Variants in FBXL7 observed in about 807,000 individuals in gnomAD.
FBXL7 encodes F-box/LRR-repeat protein 7.
A neutral mutation model predicts 38.3 loss-of-function variants in FBXL7; 12 were observed. The ratio of observed to expected loss-of-function variants is 0.31; its 90% confidence interval spans 0.20 to 0.51. The LOEUF is 0.51. FBXL7 is among the 20% of genes least tolerant of loss of function. FBXL7 has a pLI of 0.98. For synonymous variants in FBXL7, 297 were observed against 300.9 expected, an observed-to-expected ratio of 0.99 and a Z score of 0.13; for missense variants, 567 against 676.4, an observed-to-expected ratio of 0.84 and a Z score of 1.79.
intron 2 of FBXL7, among the ~76,000 whole-genome samples, chr5:15,617,777 A>G (rs1740503528): frequency 6.6e-6 from 1 of 152,166 alleles, no homozygotes; most frequent in Non-Finnish European, 1.5e-5. Context: ...TAGGAGCCAT[A>G]GTGGAAATCA....
chr5:15,702,464 G>A (rs562944614), intron 2 of FBXL7, among the ~76,000 whole-genome samples: 1 of 152,264 alleles, frequency 6.6e-6, no homozygotes, highest in African/African-American at 2.4e-5. Flanking sequence ...AACTACAGGA[G>A]CCACGCGGTA....
At chr5:15,729,910 G>C (rs946283177) in intron 2 of FBXL7, among the ~76,000 whole-genome samples, 1 of 152,106 alleles carries the variant, frequency 6.6e-6, no homozygotes, top group South Asian at 2.1e-4. Flanking sequence ...ATCGGGTAAC[G>C]CTCCTAGTTA....
At chr5:15,762,170 T>A (rs1338894377) in intron 2 of FBXL7, among the ~76,000 whole-genome samples, 1 of 152,198 alleles carries the variant, frequency 6.6e-6, no homozygotes, top group East Asian at 1.9e-4. Flanking sequence ...TCACAGGTTG[T>A]GAGGATGAAA....
At chr5:15,772,937 C>T (rs1179168420) in intron 2 of FBXL7, among the ~76,000 whole-genome samples, 1 of 151,982 alleles carries the variant, frequency 6.6e-6, no homozygotes, top group Non-Finnish European at 1.5e-5. Context: ...CTGTGTCACC[C>T]AGACTGGAGT....
intron 2 of FBXL7, among the ~76,000 whole-genome samples, chr5:15,830,395 A>AATCACTGG (rs997512614): frequency 1.3e-5 from 2 of 151,856 alleles, no homozygotes; most frequent in Admixed American, 6.6e-5. Flanking sequence ...AAGGCTGGAG[A>AATCACTGG]ATCACTGGAA....
chr5:15,827,393 G>A (rs1436070304), intron 2 of FBXL7, among the ~76,000 whole-genome samples: 1 of 152,148 alleles, frequency 6.6e-6, no homozygotes, highest in East Asian at 1.9e-4. Context: ...AATAGCGTAT[G>A]TCAAACAAAT....
At chr5:15,733,132 C>T (rs369664639) in intron 2 of FBXL7, among the ~76,000 whole-genome samples, 2 of 145,964 alleles carry the variant, frequency 1.4e-5, no homozygotes, top group Non-Finnish European at 3.0e-5. Flanking sequence ...GTCTCACTGT[C>T]GCCCAGGCTG....
chr5:15,718,154 T>C (rs1744095485), intron 2 of FBXL7, among the ~76,000 whole-genome samples: 2 of 152,160 alleles, frequency 1.3e-5, no homozygotes, highest in Non-Finnish European at 2.9e-5. Flanking sequence ...ATGTACTTAC[T>C]TGCGCACACA....
intron 1 of FBXL7, among the ~76,000 whole-genome samples, chr5:15,512,840 T>C (rs947341962): frequency 6.6e-6 from 1 of 152,238 alleles, no homozygotes; most frequent in Non-Finnish European, 1.5e-5. Flanking sequence ...GTATTTGTTT[T>C]ATCTGACTTG....
chr5:15,679,642 G>A (rs567573606), intron 2 of FBXL7, among the ~76,000 whole-genome samples: 1 of 149,886 alleles, frequency 6.7e-6, no homozygotes, highest in Non-Finnish European at 1.5e-5. Context: ...TAAAGTTGTG[G>A]AAAATTACAT....
At position 15,928,761 on chromosome 5, in the gene FBXL7, G is replaced by A. The variant is rs1467591685; in HGVS notation, c.739+260G>A. Among the ~76,000 whole-genome samples the A allele has an allele frequency of 5.9e-5, 9 of 151,956 alleles. No homozygotes were observed. Among genetic ancestry groups the A allele is most frequent in the South Asian group, 2.1e-4 (1 of 4,818 alleles). ...AAGTTTTAGGGTACATGTGCACAAC[G>A]TGCAGGTTAGTTACATATGTATACA... On this transcript the variant is annotated intron_variant, in intron 3 of 3. Transcript: ENST00000504595. This position sits in a 1 kb window ranked among gnomAD's most constrained non-coding sequence, Gnocchi z 4.0.
At chr5:15,799,760 A>G (rs1321306153) in intron 2 of FBXL7, among the ~76,000 whole-genome samples, 1 of 152,138 alleles carries the variant, frequency 6.6e-6, no homozygotes, top group Non-Finnish European at 1.5e-5. Context: ...AGAGCACTAC[A>G]CGGATTAGCA....
At chr5:15,727,625 C>T (rs79382972) in intron 2 of FBXL7, among the ~76,000 whole-genome samples, 2,762 of 152,220 alleles carry the variant, frequency 0.018, 34 homozygotes, top group Non-Finnish European at 0.028. Flanking sequence ...GATTTCTTCT[C>T]TCTTGCTACT....
intron 1 of FBXL7, among the ~76,000 whole-genome samples, chr5:15,513,294 A>G (rs750512058): frequency 6.6e-6 from 1 of 152,158 alleles, no homozygotes; most frequent in Non-Finnish European, 1.5e-5. Flanking sequence ...GAAATACAGT[A>G]TCTTTCTACA....
At chr5:15,831,964 C>T (rs1044498821) in intron 2 of FBXL7, among the ~76,000 whole-genome samples, 2 of 152,084 alleles carry the variant, frequency 1.3e-5, no homozygotes, top group African/African-American at 4.8e-5. Context: ...TCCTTCCCAT[C>T]GCTGGCCTTC....
chr5:15,831,541 G>C (rs963114622), intron 2 of FBXL7, among the ~76,000 whole-genome samples: 5 of 152,148 alleles, frequency 3.3e-5, no homozygotes, highest in African/African-American at 1.2e-4. Context: ...AGTGCTGTGG[G>C]GAAACACTAG....
At chr5:15,886,210 GGTGT>G (rs140069204) in intron 2 of FBXL7, among the ~76,000 whole-genome samples, 12 of 149,984 alleles carry the variant, frequency 8.0e-5, no homozygotes, top group East Asian at 3.9e-4. Flanking sequence ...ATAATTTTGA[GGTGT>G]GTGTGTGTGT....
At chr5:15,571,066 T>C (rs1288432366) in intron 1 of FBXL7, among the ~76,000 whole-genome samples, 1 of 143,384 alleles carries the variant, frequency 7.0e-6, no homozygotes, top group Admixed American at 7.2e-5. Context: ...CACTCCAGCC[T>C]GGGCAACAGA....
intron 2 of FBXL7, among the ~76,000 whole-genome samples, chr5:15,629,518 A>G (rs1241262318): frequency 6.6e-6 from 1 of 152,150 alleles, no homozygotes; most frequent in African/African-American, 2.4e-5. Flanking sequence ...CCAAACATAT[A>G]ACTTATATGG....
Sources: gnomAD v4.1 joint callset for allele counts (sites outside exome capture counted in the v4.1 genomes callset) on GRCh38, gnomAD v4.1.1 for gene constraint, Gnocchi (gnomAD v3.1) non-coding constraint, MANE v1.5 for transcripts, NCBI Gene and HGNC (gene_info 2026-07-23, HGNC 2026-07-21) for gene names.